The following ADGRG6 variants were observed in gnomAD, a reference collection of about 807,000 sequenced individuals.
The protein encoded by ADGRG6 is G-protein coupled receptor 126.
A neutral mutation model predicts 142.4 loss-of-function variants in ADGRG6; 84 were observed. The observed-to-expected ratio is 0.59, with a 90% CI of 0.49 to 0.71. The LOEUF is 0.71. ADGRG6 is among the 30% of genes least tolerant of loss of function. The probability of loss-of-function intolerance (pLI) is 0.00; values close to 1 mark genes in which losing one functional copy is unlikely to be tolerated. For missense variants in ADGRG6, 1,367 were observed against 1,466.6 expected (o/e 0.93, Z 1.11); for synonymous variants, 521 against 520.5 (o/e 1.00, Z -0.01).
At chr6:142,363,446 T>A (rs1780810221) in intron 2 of ADGRG6, among the ~76,000 whole-genome samples, 1 of 152,198 alleles carries the variant, frequency 6.6e-6, no homozygotes, top group Admixed American at 6.5e-5. Flanking sequence ...GATTAGAGTT[T>A]CATTGAAAAA....
intron 17 of ADGRG6, 132 bp from the exon 18 acceptor site, chr6:142,411,173 A>G: frequency 1.7e-6 from 1 of 578,978 alleles, no homozygotes; most frequent in South Asian, 2.3e-5. Flanking sequence ...AACTTTCATA[A>G]TGGTATCCAT....
chr6:142,363,771 A>G (rs1472455910), intron 2 of ADGRG6, among the ~76,000 whole-genome samples: 2 of 152,178 alleles, frequency 1.3e-5, no homozygotes, highest in Non-Finnish European at 2.9e-5. Context: ...AGGCTAGCTC[A>G]TAGTATAGGA....
intron 2 of ADGRG6, among the ~76,000 whole-genome samples, chr6:142,320,326 C>T (rs1260491019): frequency 6.6e-6 from 1 of 152,036 alleles, no homozygotes; most frequent in Non-Finnish European, 1.5e-5. Flanking sequence ...ACATTAAAAA[C>T]TTAAATCTAT....
At chr6:142,417,393 A>G (rs929821956) in intron 21 of ADGRG6, 24 bp downstream of exon 21, 5 of 959,846 alleles carry the variant, frequency 5.2e-6, no homozygotes, top group Admixed American at 1.9e-5. Context: ...ACTTTTTGTG[A>G]TGAGTAGATA....
intron 22 of ADGRG6, among the ~76,000 whole-genome samples, chr6:142,436,806 A>G (rs565818321): frequency 1.8e-3 from 272 of 152,192 alleles, no homozygotes; most frequent in Non-Finnish European, 3.3e-3. Flanking sequence ...TGATAAGCAC[A>G]AGGAGTGACT....
chr6:142,392,518 A>G (rs1296473745), intron 7 of ADGRG6, among the ~76,000 whole-genome samples: 2 of 151,978 alleles, frequency 1.3e-5, no homozygotes, highest in African/African-American at 4.8e-5. Flanking sequence ...GTGTTGTTAA[A>G]TGAAGAATAG....
At chr6:142,374,527 C>G (rs558905010) in intron 4 of ADGRG6, among the ~76,000 whole-genome samples, 1 of 152,190 alleles carries the variant, frequency 6.6e-6, no homozygotes, top group African/African-American at 2.4e-5. Context: ...AAGGAGCTTC[C>G]CAGTTTACTT....
At position 142,362,007 on chromosome 6, in the gene ADGRG6, G is replaced by C. The variant is rs117951897; in HGVS notation, c.104-5562G>C. 2.8e-4 allele frequency among the ~76,000 whole-genome samples: 42 copies of C among 152,268 alleles called. No homozygotes were observed. In the East Asian group the frequency reaches 4.4e-3, roughly 16 times the overall value. On this transcript the variant is annotated intron_variant, in intron 2 of 24. Transcript: ENST00000367609. ...GTTCATTTGTTTGGATCTTCAGAAA[G>C]TATTATCTTTTGCAGTCAGGCATGG... is the stretch of plus-strand genomic sequence containing the variant.
chr6:142,349,010 A>G (rs993664039), intron 2 of ADGRG6, among the ~76,000 whole-genome samples: 2 of 152,376 alleles, frequency 1.3e-5, no homozygotes, highest in East Asian at 1.9e-4. Flanking sequence ...TTACAATGCC[A>G]TCACATTTTA....
Position 142,445,209 on chromosome 6 carries a change from C to T in ADGRG6, c.*1694C>T, listed in dbSNP as rs762966642. On this transcript the variant is annotated 3_prime_UTR_variant, in exon 25 of 25. Transcript: ENST00000367609. ...CCATCCTGGGAGACAAGAGCATTAC[C>T]CAGCTTGGCTTTCACGGGGGAGGGT... The T allele has an allele frequency of 9.2e-5, 14 of 152,000 alleles. No homozygotes were observed. Among genetic ancestry groups the T allele is most frequent in the Non-Finnish European group, 1.6e-4 (11 of 68,004 alleles). 9.4% of individuals were successfully genotyped at this position (152,000 alleles called of 1,614,324 possible).
rs868690234 is a variant in ADGRG6, at chr6:142,334,565, T to G, written c.103+24921T>G. Among the ~76,000 whole-genome samples the G allele has an allele frequency of 4.6e-5, 7 of 152,292 alleles. No homozygotes were observed. The Middle Eastern group carries it at 0.01, about 222-fold the overall frequency. On this transcript the variant is annotated intron_variant, in intron 2 of 24. Transcript: ENST00000367609. ...AAGGAAGAACTTTCTGACAATAAGA[T>G]GTGCCAACAGTGGAATGGCTTTTTC... is the stretch of plus-strand genomic sequence containing the variant.
At chr6:142,330,081 A>AT (rs1044182504) in intron 2 of ADGRG6, among the ~76,000 whole-genome samples, 11 of 151,894 alleles carry the variant, frequency 7.2e-5, no homozygotes, top group African/African-American at 2.4e-4. Flanking sequence ...TGCCACTGCA[A>AT]TTTTTTTTAA....
At chr6:142,439,333 A>G (rs756231600) in intron 24 of ADGRG6, among the ~76,000 whole-genome samples, 10 of 152,246 alleles carry the variant, frequency 6.6e-5, no homozygotes, top group Admixed American at 1.3e-4. Flanking sequence ...TAATGGAAAT[A>G]ACTTTTAAAT....
chr6:142,430,775 C>G (rs1292975483), intron 22 of ADGRG6, among the ~76,000 whole-genome samples: 1 of 152,182 alleles, frequency 6.6e-6, no homozygotes, highest in African/African-American at 2.4e-5. Flanking sequence ...GATTAGATAT[C>G]AAAAGTTAAA....
chr6:142,323,035 G>A (rs1778592104), intron 2 of ADGRG6, among the ~76,000 whole-genome samples: 1 of 152,020 alleles, frequency 6.6e-6, no homozygotes, highest in Non-Finnish European at 1.5e-5. Flanking sequence ...ACATGAGTGA[G>A]TAGTGAGTTG....
intron 9 of ADGRG6, among the ~76,000 whole-genome samples, chr6:142,396,926 C>T (rs76315236): frequency 0.041 from 6,166 of 152,130 alleles, 267 homozygotes; most frequent in Middle Eastern, 0.11. Context: ...TTTGGGGATA[C>T]ATTTCTTTGC....
chr6:142,319,876 G>A (rs1725234311), intron 2 of ADGRG6, among the ~76,000 whole-genome samples: 1 of 152,020 alleles, frequency 6.6e-6, no homozygotes, highest in Non-Finnish European at 1.5e-5. Flanking sequence ...CCATCTGTGG[G>A]AACTAGAGAT....
Position 142,419,226 on chromosome 6 carries a change from A to G in ADGRG6, c.3036-595A>G, listed in dbSNP as rs1776530592. Among the ~76,000 whole-genome samples, 4 of 152,274 alleles carry G rather than the reference A, an allele frequency of 2.6e-5. No homozygotes were observed. The South Asian group carries it at 8.3e-4, about 32-fold the overall frequency. ...TCACTGGCATGGATTTTGTGGCTAA[A>G]AATGTCAGGGCCAACAACTCTGCAG... On this transcript the variant is annotated intron_variant, in intron 21 of 24. Transcript: ENST00000367609.
chr6:142,374,670 G>A (rs1781413145), intron 4 of ADGRG6, among the ~76,000 whole-genome samples: 1 of 152,170 alleles, frequency 6.6e-6, no homozygotes, highest in African/African-American at 2.4e-5. Context: ...GGAAACTGAA[G>A]CTTAGACAAA....
Sources: gnomAD v4.1 joint callset for allele counts (sites outside exome capture counted in the v4.1 genomes callset) on GRCh38, gnomAD v4.1.1 for gene constraint, MANE v1.5 for transcripts, NCBI Gene and HGNC (gene_info 2026-07-23, HGNC 2026-07-21) for gene names.